NCAM2: variants seen among roughly 807,000 people sequenced by gnomAD.
NCAM2 encodes the protein neural cell adhesion molecule 2, also known as N-CAM-2.
In NCAM2, 30 loss-of-function variants were observed where a neutral mutation model predicts 98.1. The observed-to-expected ratio is 0.31, with a 90% CI of 0.23 to 0.41. The LOEUF is 0.41. Among genes scored for constraint, NCAM2 ranks in the 10% least tolerant of loss-of-function variants. The probability of loss-of-function intolerance (pLI) is 1.00; values close to 1 mark genes in which losing one functional copy is unlikely to be tolerated. For synonymous variants in NCAM2, 368 were observed against 342.4 expected (o/e 1.07, Z -0.83); for missense variants, 867 against 1,005.8 (o/e 0.86, Z 1.87).
intron 1 of NCAM2, among the ~76,000 whole-genome samples, chr21:21,229,868 T>C (rs2070550451): frequency 6.6e-6 from 1 of 151,468 alleles, no homozygotes; most frequent in Admixed American, 6.6e-5. Context: ...CCAAGGTTTT[T>C]AAGCTTCTCT....
intron 1 of NCAM2, among the ~76,000 whole-genome samples, chr21:21,128,142 A>C (rs1454239323): frequency 6.6e-6 from 1 of 152,152 alleles, no homozygotes; most frequent in Non-Finnish European, 1.5e-5. Flanking sequence ...CCAACAGAAA[A>C]TATACTCTAG....
At chr21:21,305,583 T>G (rs1226112075) in intron 5 of NCAM2, among the ~76,000 whole-genome samples, 1 of 66,054 alleles carries the variant, frequency 1.5e-5, no homozygotes, top group Non-Finnish European at 2.9e-5. Flanking sequence ...AAACTGACCT[T>G]TTCCTAAATT....
intron 1 of NCAM2, among the ~76,000 whole-genome samples, chr21:21,228,216 G>A (rs149991262): frequency 2.4e-4 from 36 of 151,524 alleles, no homozygotes; most frequent in Non-Finnish European, 4.6e-4. Flanking sequence ...CAAAGACATT[G>A]GTAAAAAGAT....
At chr21:21,220,489 G>C (rs1215203114) in intron 1 of NCAM2, among the ~76,000 whole-genome samples, 1 of 152,102 alleles carries the variant, frequency 6.6e-6, no homozygotes, top group African/African-American at 2.4e-5. Flanking sequence ...GTCTAGGTCT[G>C]TGTAAGCAAA....
At chr21:21,141,329 G>C (rs1194533670) in intron 1 of NCAM2, among the ~76,000 whole-genome samples, 2 of 152,086 alleles carry the variant, frequency 1.3e-5, no homozygotes, top group African/African-American at 4.8e-5. Flanking sequence ...AATGATGTTA[G>C]CAGCTATTGA....
chr21:21,196,499 T>C (rs1185766473), intron 1 of NCAM2, among the ~76,000 whole-genome samples: 1 of 152,226 alleles, frequency 6.6e-6, no homozygotes, highest in Non-Finnish European at 1.5e-5. Context: ...AGATGTTTCT[T>C]GGACTCTACT....
intron 1 of NCAM2, among the ~76,000 whole-genome samples, chr21:21,219,981 A>G (rs1225467543): frequency 6.6e-6 from 1 of 152,174 alleles, no homozygotes; most frequent in Non-Finnish European, 1.5e-5. Flanking sequence ...CTTATAGAAT[A>G]AGGTTATGAA....
At chr21:21,328,179 C>T (rs772649872) in intron 6 of NCAM2, among the ~76,000 whole-genome samples, 7 of 152,138 alleles carry the variant, frequency 4.6e-5, no homozygotes, top group Non-Finnish European at 7.3e-5. Context: ...CTATTGACAT[C>T]GCAGCCATCA....
intron 13 of NCAM2, among the ~76,000 whole-genome samples, chr21:21,467,428 T>TATATATATATATATATCTTTATA (rs1555902035): frequency 2.1e-5 from 3 of 140,734 alleles, no homozygotes; most frequent in Non-Finnish European, 4.5e-5. Flanking sequence ...ATATATCTTT[T>TATATATATATATATATCTTTATA]TATATATATA....
At chr21:21,519,292 T>C (rs747490466) in intron 16 of NCAM2, among the ~76,000 whole-genome samples, 12 of 151,990 alleles carry the variant, frequency 7.9e-5, no homozygotes, top group Non-Finnish European at 1.2e-4. Context: ...ACATAATAGG[T>C]TTAGGGGAAT....
chr21:21,403,990 A>G (rs1288585463), intron 9 of NCAM2, among the ~76,000 whole-genome samples: 2 of 151,554 alleles, frequency 1.3e-5, no homozygotes, highest in Non-Finnish European at 2.9e-5. Context: ...ATATGGTATC[A>G]TAATACTGTT....
At chr21:21,394,337 G>T (rs1292285933) in intron 9 of NCAM2, among the ~76,000 whole-genome samples, 2 of 151,860 alleles carry the variant, frequency 1.3e-5, no homozygotes, top group East Asian at 3.9e-4. Context: ...AGATATATTA[G>T]TTTTTACTCC....
chr21:21,068,918 C>A (rs1430291080), intron 1 of NCAM2, among the ~76,000 whole-genome samples: 2 of 152,104 alleles, frequency 1.3e-5, no homozygotes, highest in Non-Finnish European at 2.9e-5. Flanking sequence ...GTAGCTCATA[C>A]TAAAATGTAA....
chr21:20,999,623 G>A (rs1229127322), intron 1 of NCAM2, among the ~76,000 whole-genome samples: 1 of 152,186 alleles, frequency 6.6e-6, no homozygotes, highest in African/African-American at 2.4e-5. Context: ...TGTAATGATT[G>A]CAAAGAATGT....
chr21:21,064,794 T>C (rs2065398558), intron 1 of NCAM2, among the ~76,000 whole-genome samples: 1 of 152,206 alleles, frequency 6.6e-6, no homozygotes, highest in South Asian at 2.1e-4. Flanking sequence ...ACTATATTTT[T>C]CAGTGTGTAA....
intron 12 of NCAM2, among the ~76,000 whole-genome samples, chr21:21,452,982 TATATATTATATTATATA>T (rs1569079807): frequency 0.052 from 4,492 of 85,606 alleles, 119 homozygotes; most frequent in South Asian, 0.081. Context: ...TATTATATAT[TATATATTATATTATATA>T]ATATATAATA....
chr21:21,150,675 T>A (rs985115450), intron 1 of NCAM2, among the ~76,000 whole-genome samples: 32 of 152,196 alleles, frequency 2.1e-4, no homozygotes, highest in African/African-American at 7.5e-4. Flanking sequence ...AGCTTCATCA[T>A]GATATTGTCT....
chr21:21,267,186 A>G (rs1383271952), intron 1 of NCAM2, among the ~76,000 whole-genome samples: 2 of 152,206 alleles, frequency 1.3e-5, no homozygotes, highest in Non-Finnish European at 2.9e-5. Flanking sequence ...CTAGTTAGAC[A>G]TAAATAAAGC....
intron 8 of NCAM2, among the ~76,000 whole-genome samples, chr21:21,357,941 C>G (rs1247441373): frequency 6.6e-6 from 1 of 152,122 alleles, no homozygotes; most frequent in Non-Finnish European, 1.5e-5. Context: ...GTCATACATA[C>G]AGCCGAACTA....
Sources: allele counts gnomAD v4.1 joint callset (sites outside exome capture counted in the v4.1 genomes callset), GRCh38; gene constraint gnomAD v4.1.1; transcripts MANE v1.5; gene names NCBI Gene and HGNC (gene_info 2026-07-23, HGNC 2026-07-21).